The following PTPRN2 variants were observed in gnomAD, a reference collection of about 807,000 sequenced individuals.
PTPRN2 encodes receptor-type tyrosine-protein phosphatase N2.
In PTPRN2, 74 loss-of-function variants were observed where a neutral mutation model predicts 118.8. The observed-to-expected ratio is 0.62, with a 90% CI of 0.52 to 0.76. The LOEUF (loss-of-function observed/expected upper bound fraction) is 0.76, where lower values mean the gene tolerates loss of function less well. PTPRN2 is among the 30% of genes least tolerant of loss of function. The pLI, the probability that PTPRN2 is intolerant of heterozygous loss-of-function variation, is 0.00. For synonymous variants in PTPRN2, 641 were observed against 608.0 expected (o/e 1.05, Z -0.80); for missense variants, 1,481 against 1,394.4 (o/e 1.06, Z -0.99).
chr7:157,718,809 T>TCCATGGCCCCAGGGTGAG (rs1431134284), intron 12 of PTPRN2, among the ~76,000 whole-genome samples: 1 of 152,176 alleles, frequency 6.6e-6, no homozygotes, highest in African/African-American at 2.4e-5. Flanking sequence ...GCAGCCACTC[T>TCCATGGCCCCAGGGTGAG]TGGTTTCTCA....
At chr7:157,586,015 T>G (rs1800653057) in intron 17 of PTPRN2, among the ~76,000 whole-genome samples, 1 of 152,182 alleles carries the variant, frequency 6.6e-6, no homozygotes, top group Admixed American at 6.5e-5. Context: ...TAAGGCAACG[T>G]GAGAAACAGT....
At chr7:158,550,282 C>T (rs1294797706) in intron 1 of PTPRN2, among the ~76,000 whole-genome samples, 2 of 152,220 alleles carry the variant, frequency 1.3e-5, no homozygotes, top group African/African-American at 2.4e-5. Flanking sequence ...GGCTCCCCAC[C>T]AGCCTGCCCC....
rs1265602082 is a variant in PTPRN2 at position 157,893,638 on chromosome 7, C to CT, written c.1788+5034dup. 1.3e-5 allele frequency among the ~76,000 whole-genome samples: 2 copies of CT among 152,184 alleles called. No individual in the cohort carries two copies. The highest frequency in any genetic ancestry group is 4.8e-5 in the African/African-American group (2 of 41,446). On this transcript the variant is annotated intron_variant, in intron 12 of 22. Transcript: ENST00000389418. This position sits in a 1 kb window ranked among gnomAD's most constrained non-coding sequence, Gnocchi z 4.0. ...AAGATCAAGAGCCCTGCGTGGCCCACTTTAAGTGTGAGGCTCCTCTACAGA... is the reference window on the plus strand; with the variant it reads ...AAGATCAAGAGCCCTGCGTGGCCCACTTTTAAGTGTGAGGCTCCTCTACAGA...
intron 2 of PTPRN2, among the ~76,000 whole-genome samples, chr7:158,423,775 T>C (rs1393021582): frequency 2.0e-5 from 3 of 152,132 alleles, no homozygotes; most frequent in Non-Finnish European, 4.4e-5. Flanking sequence ...CCTCCCAAAG[T>C]GCTGGGATTA....
chr7:158,484,735 G>A (rs1420243052), intron 2 of PTPRN2, among the ~76,000 whole-genome samples: 5 of 152,182 alleles, frequency 3.3e-5, no homozygotes, highest in Admixed American at 1.3e-4. Flanking sequence ...TGAGCACGGC[G>A]ATTCCCAGGT....
intron 9 of PTPRN2, among the ~76,000 whole-genome samples, chr7:158,114,845 G>A (rs1177019973): frequency 6.6e-6 from 1 of 152,148 alleles, no homozygotes; most frequent in African/African-American, 2.4e-5. Flanking sequence ...GCAGACGCAG[G>A]GATGGAAACA....
intron 20 of PTPRN2, among the ~76,000 whole-genome samples, chr7:157,570,964 G>A (rs1302698946): frequency 6.6e-6 from 1 of 152,202 alleles, no homozygotes; most frequent in Non-Finnish European, 1.5e-5. Context: ...TCCATGTGAG[G>A]CCTCGCGCGG....
intron 12 of PTPRN2, among the ~76,000 whole-genome samples, chr7:157,772,212 CACAT>C: frequency 6.6e-6 from 1 of 151,592 alleles, no homozygotes; most frequent in Non-Finnish European, 1.5e-5. Flanking sequence ...CACAGAGACA[CACAT>C]AGACACAGAC....
At chr7:158,581,302 C>T (rs566371759) in intron 1 of PTPRN2, among the ~76,000 whole-genome samples, 1 of 152,184 alleles carries the variant, frequency 6.6e-6, no homozygotes, top group Non-Finnish European at 1.5e-5. Context: ...ATAGAAATAC[C>T]TATGCGGGTT....
At chr7:158,021,993 G>A (rs540192118) in intron 11 of PTPRN2, among the ~76,000 whole-genome samples, 2 of 152,266 alleles carry the variant, frequency 1.3e-5, no homozygotes, top group African/African-American at 4.8e-5. Context: ...TGCCCTGGCT[G>A]AGCCGGGCAG....
chr7:158,045,969 C>T (rs1808830221), intron 11 of PTPRN2, among the ~76,000 whole-genome samples: 1 of 150,514 alleles, frequency 6.6e-6, no homozygotes, highest in African/African-American at 2.5e-5. Flanking sequence ...CCTGACACTG[C>T]CTTGTTCTGT....
At position 157,929,467 on chromosome 7, in the gene PTPRN2, C is replaced by G. The variant is rs1287167163; in HGVS notation, c.1724-30730G>C. Among the ~76,000 whole-genome samples the G allele has an allele frequency of 1.3e-5, 2 of 152,146 alleles. No individual in the cohort carries two copies. The highest frequency in any genetic ancestry group is 1.3e-4 in the Admixed American group (2 of 15,284). ...GGAAGCCACCGGATCGTTTCCCATG[C>G]TTAAGCTCAGACGCCCACCCAGCAC... On this transcript the variant is annotated intron_variant, in intron 11 of 22. Transcript: ENST00000389418. The surrounding 1 kb of genome is among the most constrained non-coding windows in gnomAD (Gnocchi z 4.4).
intron 10 of PTPRN2, among the ~76,000 whole-genome samples, chr7:158,102,847 A>G (rs943619682): frequency 2.6e-5 from 4 of 152,190 alleles, no homozygotes; most frequent in African/African-American, 9.7e-5. Context: ...GAAAGACAGC[A>G]CACGGCTAAT....
intron 11 of PTPRN2, among the ~76,000 whole-genome samples, chr7:157,960,826 G>A (rs4716844): frequency 0.18 from 27,213 of 151,942 alleles, 3,314 homozygotes; most frequent in East Asian, 0.36. Flanking sequence ...GGCCAACACA[G>A]CAAAACCCCG....
At chr7:158,072,057 CCG>C (rs1811952379) in intron 11 of PTPRN2, among the ~76,000 whole-genome samples, 1 of 69,080 alleles carries the variant, frequency 1.4e-5, no homozygotes, top group South Asian at 5.1e-4. Flanking sequence ...GTGGAGGTTC[CCG>C]TGGTGGTGGA....
At chr7:158,421,509 T>G (rs1815246444) in intron 2 of PTPRN2, among the ~76,000 whole-genome samples, 1 of 152,240 alleles carries the variant, frequency 6.6e-6, no homozygotes. Flanking sequence ...AGAAGCAGCT[T>G]TCCTGTGATG....
intron 13 of PTPRN2, among the ~76,000 whole-genome samples, chr7:157,681,041 GC>G (rs1796891603): frequency 1.0e-5 from 1 of 96,706 alleles, no homozygotes; most frequent in African/African-American, 3.6e-5. Flanking sequence ...CACTGGGAAG[GC>G]TTTTTTTTTT....
At chr7:158,340,442 G>C (rs1198211985) in intron 2 of PTPRN2, among the ~76,000 whole-genome samples, 1 of 89,986 alleles carries the variant, frequency 1.1e-5, no homozygotes, top group African/African-American at 3.9e-5. Flanking sequence ...CACCGTAAGA[G>C]CTGACACCCG....
In PTPRN2 at chr7:158,418,041, T is replaced by C. The variant is rs1039767485; in HGVS notation, c.163+71694A>G. 8.3e-4 allele frequency among the ~76,000 whole-genome samples: 125 copies of C among 150,296 alleles called. 1 individual carries two copies. Among genetic ancestry groups the C allele is most frequent in the South Asian group, 1.1e-3 (5 of 4,740 alleles). Reference sequence around the variant, plus strand: ...CTCTAGCTCTCAGTGTCCCGCTGTGTTAAGTCATGGTGTACTACATCGAGA... The same window carrying C: ...CTCTAGCTCTCAGTGTCCCGCTGTGCTAAGTCATGGTGTACTACATCGAGA... On this transcript the variant is annotated intron_variant, in intron 2 of 22. Coordinates refer to ENST00000389418, the MANE Select transcript of PTPRN2 (RefSeq NM_002847.5).
Sources: gnomAD v4.1 joint callset for allele counts (sites outside exome capture counted in the v4.1 genomes callset) on GRCh38, gnomAD v4.1.1 for gene constraint, Gnocchi (gnomAD v3.1) non-coding constraint, MANE v1.5 for transcripts, NCBI Gene and HGNC (gene_info 2026-07-23, HGNC 2026-07-21) for gene names.